The following PCDHGA11 variants were observed in gnomAD, a reference collection of about 807,000 sequenced individuals.
PCDHGA11 encodes protocadherin gamma subfamily A, 11, also known as protocadherin gamma-A11.
Under a neutral mutation model 60.4 loss-of-function variants are expected in PCDHGA11, and 39 were observed. The observed-to-expected ratio is 0.65, with a 90% CI of 0.50 to 0.84. PCDHGA11 has a LOEUF of 0.84. Among genes scored for constraint, PCDHGA11 ranks in the 40% least tolerant of loss-of-function variants. PCDHGA11 has a pLI of 0.00. For missense variants in PCDHGA11, 1,165 were observed against 1,197.7 expected (o/e 0.97, Z 0.40); for synonymous variants, 533 against 510.3 (o/e 1.04, Z -0.60).
intron 1 of PCDHGA11, among the ~76,000 whole-genome samples, chr5:141,463,025 T>G (rs2099051289): frequency 6.6e-6 from 1 of 152,202 alleles, no homozygotes; most frequent in Non-Finnish European, 1.5e-5. Flanking sequence ...ACTTTTTTGA[T>G]TAATCTGAGT....
At chr5:141,461,354 C>T (rs1189322704) in intron 1 of PCDHGA11, among the ~76,000 whole-genome samples, 2 of 152,054 alleles carry the variant, frequency 1.3e-5, no homozygotes, top group Non-Finnish European at 2.9e-5. Context: ...GGTGGTAGCT[C>T]GTTGTGGTTT....
chr5:141,431,995 G>A lies in PCDHGA11; in HGVS notation c.2433+8335G>A. 6.2e-7 allele frequency: 1 copy of A among 1,614,048 alleles called. No individual in the cohort carries two copies. Among genetic ancestry groups the A allele is most frequent in the East Asian group, 2.2e-5 (1 of 44,898 alleles). The stretch of plus-strand genomic sequence containing the variant: ...TAGTCACAGACATAGTCTTGGATAG[G>A]GAACAGGTTCCTAGCTACAACATCA... On this transcript the variant is annotated intron_variant, in intron 1 of 3. Coordinates refer to ENST00000398587, the MANE Select transcript of PCDHGA11 (RefSeq NM_018914.3). This position sits in a 1 kb window ranked among gnomAD's most constrained non-coding sequence, Gnocchi z 4.8.
chr5:141,505,794 G>A (rs1423502957), intron 3 of PCDHGA11, among the ~76,000 whole-genome samples: 1 of 152,142 alleles, frequency 6.6e-6, no homozygotes, highest in East Asian at 1.9e-4. Context: ...CTATCCTTGG[G>A]ACTTGGATCG....
intron 1 of PCDHGA11, among the ~76,000 whole-genome samples, chr5:141,455,428 GA>G (rs2098822635): frequency 6.6e-6 from 1 of 152,176 alleles, no homozygotes; most frequent in Non-Finnish European, 1.5e-5. Context: ...GGCTCCAAAA[GA>G]GGAGGTCCCC....
intron 1 of PCDHGA11, among the ~76,000 whole-genome samples, chr5:141,462,211 C>T (rs543979258): frequency 2.0e-5 from 3 of 151,998 alleles, no homozygotes; most frequent in South Asian, 2.1e-4. Context: ...CCGCCTGCCT[C>T]GGCCTCCCAA....
At chr5:141,424,945 C>A (rs2096849463) in intron 1 of PCDHGA11, among the ~76,000 whole-genome samples, 1 of 152,186 alleles carries the variant, frequency 6.6e-6, no homozygotes, top group Admixed American at 6.5e-5. Flanking sequence ...TCTCACATCA[C>A]TTCTAGGTAT....
At position 141,510,228 on chromosome 5, in the gene PCDHGA11, G is replaced by A. The variant is rs529723748; in HGVS notation, c.2582-719G>A. The stretch of plus-strand genomic sequence containing the variant: ...GCAGAGGTTGCAGTGAGCCGGGATC[G>A]CGCCACTGCACTCCAGGCTGGGCGA... On this transcript the variant is annotated intron_variant, in intron 3 of 3. Coordinates refer to ENST00000398587, the MANE Select transcript of PCDHGA11 (RefSeq NM_018914.3). Among the ~76,000 whole-genome samples the A allele has an allele frequency of 1.4e-3, 208 of 150,722 alleles. 1 individual carries two copies. Among genetic ancestry groups the A allele is most frequent in the African/African-American group, 4.7e-3 (193 of 40,860 alleles).
chr5:141,504,541 C>G (rs1050153403), intron 2 of PCDHGA11, among the ~76,000 whole-genome samples: 2 of 151,728 alleles, frequency 1.3e-5, no homozygotes, highest in Non-Finnish European at 2.9e-5. Context: ...GTCATCATGG[C>G]AAATGTTGGG....
rs61612330 is a variant in PCDHGA11, at chr5:141,454,796, A to ATTTTTTTTTTTTTTTTTTTTTTTTTT, written c.2433+31140_2433+31165dup. Among the ~76,000 whole-genome samples, 3 of 77,456 alleles carry ATTTTTTTTTTTTTTTTTTTTTTTTTT rather than the reference A, an allele frequency of 3.9e-5. 1 individual carries two copies. The highest frequency in any genetic ancestry group is 1.2e-4 in the African/African-American group (2 of 16,882). 50.8% of individuals were successfully genotyped at this position (77,456 alleles called of 152,430 possible). A position where few individuals can be genotyped will look rare whatever the true frequency, so the allele number is the denominator to read the frequency against. On this transcript the variant is annotated intron_variant, in intron 1 of 3. Transcript: ENST00000398587. Reference sequence around the variant, plus strand: ...AAGGAAATAATCCTCCATGGTTCTAATTTTTTTTTTTTTTTTTTTTTTTTT... The same window carrying ATTTTTTTTTTTTTTTTTTTTTTTTTT: ...AAGGAAATAATCCTCCATGGTTCTAATTTTTTTTTTTTTTTTTTTTTTTTTTTTTTTTTTTTTTTTTTTTTTTTTTT...
intron 1 of PCDHGA11, among the ~76,000 whole-genome samples, chr5:141,468,952 G>GTT (rs34870721): frequency 3.3e-5 from 5 of 151,198 alleles, no homozygotes; most frequent in Admixed American, 6.6e-5. Flanking sequence ...TAAACCTGTG[G>GTT]TTTTTTTTAC....
Position 141,502,485 on chromosome 5 carries a change from G to A in PCDHGA11, c.2493-2908G>A, listed in dbSNP as rs187600890. ...AATACTTCCCGCAGCATCACACTGG[G>A]ACTCATCTAACGTCGGCCTGTCCCA... On this transcript the variant is annotated intron_variant, in intron 2 of 3. Coordinates refer to ENST00000398587, the MANE Select transcript of PCDHGA11 (RefSeq NM_018914.3). 8.4e-3 allele frequency among the ~76,000 whole-genome samples: 1,276 copies of A among 152,270 alleles called. 22 individuals carry two copies. Among genetic ancestry groups the A allele is most frequent in the African/African-American group, 0.028 (1,151 of 41,542 alleles).
chr5:141,475,862 T>G, intron 1 of PCDHGA11: 1 of 492,756 alleles, frequency 2.0e-6, no homozygotes, highest in Non-Finnish European at 3.6e-6. Context: ...GCTAGCTCAT[T>G]CTTCGTGCAG....
chr5:141,430,914 T>G (rs750607631), intron 1 of PCDHGA11: 1 of 1,607,676 alleles, frequency 6.2e-7, no homozygotes, highest in Non-Finnish European at 8.5e-7. Context: ...TCCAGGGACC[T>G]GGGGCTGGAG....
In PCDHGA11 at chr5:141,432,776, G is replaced by C. The variant is rs975435403; in HGVS notation, c.2433+9116G>C. 1.9e-6 allele frequency: 3 copies of C among 1,614,172 alleles called. No homozygotes were observed. In the African/African-American group the frequency reaches 4.0e-5, roughly 22 times the overall value. ...GGCCGACAGCATCCCCCAAGTCCTG[G>C]CGGACCTCGGCAGCCTCGAGTCTCC... On this transcript the variant is annotated intron_variant, in intron 1 of 3. Transcript: ENST00000398587. This position sits in a 1 kb window ranked among gnomAD's most constrained non-coding sequence, Gnocchi z 6.0.
chr5:141,450,900 C>T (rs907024071), intron 1 of PCDHGA11, among the ~76,000 whole-genome samples: 9 of 151,048 alleles, frequency 6.0e-5, no homozygotes, highest in Non-Finnish European at 1.2e-4. Flanking sequence ...TATCGGCTCA[C>T]TGCAACCGCT....
chr5:141,459,573 T>TTC (rs2098970689), intron 1 of PCDHGA11, among the ~76,000 whole-genome samples: 1 of 152,208 alleles, frequency 6.6e-6, no homozygotes, highest in Non-Finnish European at 1.5e-5. Context: ...CAAAACAGAA[T>TTC]TGTTTTGGGG....
At chr5:141,479,273 T>G (rs1723290487) in intron 1 of PCDHGA11, 1 of 152,386 alleles carries the variant, frequency 6.6e-6, no homozygotes, top group South Asian at 2.1e-4. Context: ...AGTAATAATT[T>G]ATTTCAAAAA....
chr5:141,470,748 A>C (rs1163686396), intron 1 of PCDHGA11, among the ~76,000 whole-genome samples: 1 of 152,106 alleles, frequency 6.6e-6, no homozygotes. Flanking sequence ...CCCTGGCTGG[A>C]GTGCAGTGGA....
intron 1 of PCDHGA11, among the ~76,000 whole-genome samples, chr5:141,464,557 C>A (rs1342964264): frequency 6.6e-6 from 1 of 152,132 alleles, no homozygotes; most frequent in Non-Finnish European, 1.5e-5. Context: ...CCCCATCTTG[C>A]ATTCCTACAA....
Sources: gnomAD v4.1 joint callset for allele counts (sites outside exome capture counted in the v4.1 genomes callset) on GRCh38, gnomAD v4.1.1 for gene constraint, Gnocchi (gnomAD v3.1) non-coding constraint, MANE v1.5 for transcripts, NCBI Gene and HGNC (gene_info 2026-07-23, HGNC 2026-07-21) for gene names.